CPD: variants seen among roughly 807,000 people sequenced by gnomAD.
CPD encodes carboxypeptidase D, also known as metallocarboxypeptidase D.
A neutral mutation model predicts 138.3 loss-of-function variants in CPD; 69 were observed. The observed-to-expected ratio is 0.50, with a 90% confidence interval of 0.41 to 0.61. The LOEUF is 0.61. Among genes scored for constraint, CPD ranks in the 20% least tolerant of loss-of-function variants. CPD has a pLI of 0.00. For synonymous variants in CPD, 651 were observed against 642.1 expected, an observed-to-expected ratio of 1.01 and a Z score of -0.21; for missense variants, 1,432 against 1,733.3, an observed-to-expected ratio of 0.83 and a Z score of 3.09.
intron 19 of CPD, 51 bp from the exon 20 acceptor site, chr17:30,462,319 C>T (rs370945662): frequency 1.4e-6 from 2 of 1,428,662 alleles, no homozygotes; most frequent in Non-Finnish European, 2.0e-6. Flanking sequence ...AGCAGGGATA[C>T]AGTACACCTT....
At chr17:30,408,522 C>T (rs1407596355) in intron 2 of CPD, among the ~76,000 whole-genome samples, 1 of 152,190 alleles carries the variant, frequency 6.6e-6, no homozygotes, top group African/African-American at 2.4e-5. Flanking sequence ...AGGTCTTTCA[C>T]ATCCCTTGTA....
intron 9 of CPD, 51 bp from the exon 10 acceptor site, chr17:30,442,257 G>A: frequency 6.4e-7 from 1 of 1,561,150 alleles, no homozygotes; most frequent in Non-Finnish European, 8.8e-7. Flanking sequence ...TTTGGGATCT[G>A]AGCTGTTTAG....
chr17:30,404,344 AAAG>A (rs911353057), intron 2 of CPD, among the ~76,000 whole-genome samples: 2 of 152,206 alleles, frequency 1.3e-5, no homozygotes, highest in African/African-American at 4.8e-5. Flanking sequence ...TGTATGCTTC[AAAG>A]AAGAATAAAA....
At position 30,422,782 on chromosome 17, in the gene CPD, G is replaced by A. The variant is rs765863802; in HGVS notation, c.1416G>A (p.Glu472=). The A allele has an allele frequency of 5.6e-6, 9 of 1,613,944 alleles. No individual in the cohort carries two copies. In the African/African-American group the frequency reaches 6.7e-5, roughly 12 times the overall value. Residue 472 remains glutamate (E), a synonymous_variant, in exon 5 of 21, where the codon GAG becomes GAA. Transcript: ENST00000225719. The stretch of plus-strand genomic sequence containing the variant: ...CTTCAGTAATCCCTGACACGACAGA[G>A]GCTGTATCAACTGCTAGCACAGTTG... ...TVTSVIPDTT[E]AVSTASTVAI...
chr17:30,450,756 C>T (rs1203557761), intron 13 of CPD, among the ~76,000 whole-genome samples: 6 of 152,076 alleles, frequency 3.9e-5, no homozygotes, highest in Non-Finnish European at 7.4e-5. Context: ...CTACTTGGGA[C>T]GCTAAAGTGG....
intron 2 of CPD, among the ~76,000 whole-genome samples, chr17:30,397,096 A>AC (rs1458908071): frequency 3.3e-5 from 5 of 152,164 alleles, no homozygotes; most frequent in Non-Finnish European, 7.3e-5. Flanking sequence ...ATGGTTAAAC[A>AC]GTACCATAAG....
intron 8 of CPD, among the ~76,000 whole-genome samples, chr17:30,437,684 TCAAAACCAAAA>T (rs570580636): frequency 1.1e-3 from 163 of 152,086 alleles, no homozygotes; most frequent in Middle Eastern, 3.4e-3. Flanking sequence ...AGACCCAGTT[TCAAAACCAAAA>T]CAAAACCAAA....
At position 30,468,686 on chromosome 17, in the gene CPD, T is replaced by A. The variant is rs1340106468; in HGVS notation, c.*3872T>A. On this transcript the variant is annotated 3_prime_UTR_variant, in exon 21 of 21. Coordinates refer to ENST00000225719, the MANE Select transcript of CPD (RefSeq NM_001304.5). ...TATAAAAGTTATTTTACGATGTTTGTCTTTCTTTGTGTTTTGTCTCATAAT... is the reference window on the plus strand; with the variant it reads ...TATAAAAGTTATTTTACGATGTTTGACTTTCTTTGTGTTTTGTCTCATAAT... 6.6e-6 allele frequency: 1 copy of A among 152,644 alleles called. No individual in the cohort carries two copies. Among genetic ancestry groups the A allele is most frequent in the Non-Finnish European group, 1.5e-5 (1 of 68,020 alleles). The allele number at this position is 152,644 out of a possible 1,614,324, so 9.5% of individuals were successfully genotyped here. A position where few individuals can be genotyped will look rare whatever the true frequency, so the allele number is the denominator to read the frequency against.
intron 17 of CPD, among the ~76,000 whole-genome samples, chr17:30,458,228 G>A (rs1913351804): frequency 6.6e-6 from 1 of 152,080 alleles, no homozygotes; most frequent in African/African-American, 2.4e-5. Context: ...ACCCATTCTG[G>A]ATGCTGTGTA....
rs573211689 is a variant in CPD, at chr17:30,425,114, T to C, written c.1849+1417T>C. Among the ~76,000 whole-genome samples the C allele has an allele frequency of 7.5e-5, 9 of 119,818 alleles. No homozygotes were observed. In the South Asian group the frequency reaches 2.6e-3, roughly 35 times the overall value. 78.6% of individuals were successfully genotyped at this position (119,818 alleles called of 152,430 possible). On this transcript the variant is annotated intron_variant, in intron 6 of 20. Transcript: ENST00000225719. Reference sequence around the variant, plus strand: ...AATTACACTAGTGAGCCCTCCAGTTTTCTTTAGTCTCTTGCAATTTTTCTC... The same window carrying C: ...AATTACACTAGTGAGCCCTCCAGTTCTCTTTAGTCTCTTGCAATTTTTCTC...
chr17:30,436,499 G>T (rs565620284), intron 8 of CPD, among the ~76,000 whole-genome samples: 1 of 152,138 alleles, frequency 6.6e-6, no homozygotes, highest in East Asian at 1.9e-4. Flanking sequence ...AGAGAAAATG[G>T]CCAATAAGCA....
chr17:30,379,248 G>A lies in CPD; in HGVS notation c.268G>A (p.Glu90Lys). Residue 90 changes from glutamate to lysine, a missense_variant, in exon 1 of 21, where the codon GAA becomes AAA. Glu to Lys is a moderately conservative substitution (Grantham distance 56). Coordinates refer to ENST00000225719, the MANE Select transcript of CPD (RefSeq NM_001304.5). The surrounding 1 kb of genome is among the most constrained non-coding windows in gnomAD (Gnocchi z 7.0). Reference sequence around the variant, plus strand: ...CCTCTTTAGCATCGGCCGCTCGGTGGAAGGCCGGCCGCTGTGGGTGCTTCG... The same window carrying A: ...CCTCTTTAGCATCGGCCGCTCGGTGAAAGGCCGGCCGCTGTGGGTGCTTCG... ...ARLFSIGRSV[E>K]GRPLWVLRLT... is the part of the protein sequence containing the mutation. 1.3e-6 allele frequency: 2 copies of A among 1,518,284 alleles called. No individual in the cohort carries two copies. Among genetic ancestry groups the A allele is most frequent in the Non-Finnish European group, 8.8e-7 (1 of 1,139,098 alleles). 94.1% of individuals were successfully genotyped at this position (1,518,284 alleles called of 1,614,324 possible). A position where few individuals can be genotyped will look rare whatever the true frequency, so the allele number is the denominator to read the frequency against.
In CPD at chr17:30,445,931, G is replaced by T; in HGVS notation, c.2784G>T (p.Leu928=). The T allele has an allele frequency of 6.2e-7, 1 of 1,614,034 alleles. No individual in the cohort carries two copies. The highest frequency in any genetic ancestry group is 8.5e-7 in the Non-Finnish European group (1 of 1,179,990). ...LMLRSSSNLA[L]ALYRYHSYKD... ...TACGCTCCTCCTCAAATCTGGCTCTGGCTCTTTATCGATACCATTCCTACA... is the reference window on the plus strand; with the variant it reads ...TACGCTCCTCCTCAAATCTGGCTCTTGCTCTTTATCGATACCATTCCTACA... Residue 928 remains leucine, a synonymous_variant, in exon 12 of 21, where the codon CTG becomes CTT. Transcript: ENST00000225719.
intron 2 of CPD, among the ~76,000 whole-genome samples, chr17:30,406,328 G>A (rs1276468001): frequency 6.6e-6 from 1 of 152,012 alleles, no homozygotes; most frequent in Non-Finnish European, 1.5e-5. Context: ...ATTGTTTGTA[G>A]AGATATATAT....
At chr17:30,430,654 C>T (rs956435961) in intron 7 of CPD, among the ~76,000 whole-genome samples, 1 of 151,912 alleles carries the variant, frequency 6.6e-6, no homozygotes, top group Non-Finnish European at 1.5e-5. Flanking sequence ...TTCTTTTCCC[C>T]GTGCCCCCCT....
chr17:30,397,191 T>TA (rs534641876), intron 2 of CPD, among the ~76,000 whole-genome samples: 25 of 152,148 alleles, frequency 1.6e-4, no homozygotes, highest in Middle Eastern at 3.4e-3. Flanking sequence ...CCAAAATTTG[T>TA]AAAAAAAACT....
In CPD at chr17:30,461,955, G is replaced by C. The variant is rs376251337; in HGVS notation, c.3709G>C (p.Gly1237Arg). The change falls in exon 19 of 21, where the codon GGA (glycine) becomes CGA (arginine). Residue 1237 changes from glycine to arginine, a missense_variant. Physicochemically the swap from Gly to Arg is moderately radical, Grantham distance 125. Coordinates refer to ENST00000225719, the MANE Select transcript of CPD (RefSeq NM_001304.5). Reference protein sequence around the residue: ...ISKAVIVLNEGIKVQTKEGGY... With the variant: ...ISKAVIVLNERIKVQTKEGGY... ...TAAAGCAGTCATTGTACTTAATGAA[G>C]GAATAAAGGTACAAACAAAAGAGGG... 1 of 1,613,600 alleles carries C rather than the reference G, an allele frequency of 6.2e-7. No individual in the cohort carries two copies. Among genetic ancestry groups the C allele is most frequent in the South Asian group, 1.1e-5 (1 of 91,050 alleles).
chr17:30,403,949 A>T (rs1192752537), intron 2 of CPD, among the ~76,000 whole-genome samples: 1 of 151,318 alleles, frequency 6.6e-6, no homozygotes, highest in Admixed American at 6.6e-5. Context: ...GACCATTTAT[A>T]TATGAAGAAT....
Position 30,461,303 on chromosome 17 carries a change from T to C in CPD, c.3622T>C (p.Leu1208=). Residue 1208 remains leucine (L), a synonymous_variant, in exon 18 of 21, where the codon TTA becomes CTA. Transcript: ENST00000225719. Reference sequence around the variant, plus strand: ...CAATAAGAGATCTCTTCTTAGTATGTTAGTGGAGGTGAGTCTTTTCCTTTT... The same window carrying C: ...CAATAAGAGATCTCTTCTTAGTATGCTAGTGGAGGTGAGTCTTTTCCTTTT... ...ADNKRSLLSM[L]VEVHKGVHGF... 1 of 1,589,698 alleles carries C rather than the reference T, an allele frequency of 6.3e-7. No homozygotes were observed. The highest frequency in any genetic ancestry group is 8.6e-7 in the Non-Finnish European group (1 of 1,168,868).
Sources: allele counts gnomAD v4.1 joint callset (sites outside exome capture counted in the v4.1 genomes callset), GRCh38; gene constraint gnomAD v4.1.1; non-coding constraint Gnocchi (gnomAD v3.1); transcripts MANE v1.5; gene names NCBI Gene and HGNC (gene_info 2026-07-23, HGNC 2026-07-21).